Variants in SNX29 observed in about 807,000 individuals in gnomAD.
SNX29 encodes the protein sorting nexin-29.
A neutral mutation model predicts 102.1 loss-of-function variants in SNX29; 78 were observed. The ratio of observed to expected loss-of-function variants is 0.76; its 90% CI spans 0.64 to 0.92. The LOEUF (loss-of-function observed/expected upper bound fraction) is 0.92. Ranked by LOEUF, SNX29 falls within the 40% of genes least tolerant of loss-of-function variation. SNX29 has a pLI of 0.00. For synonymous variants in SNX29, 580 were observed against 414.5 expected (o/e 1.40, Z -4.85); for missense variants, 1,280 against 1,061.7 (o/e 1.21, Z -2.86).
At chr16:12,099,916 G>T (rs1300661076) in intron 11 of SNX29, among the ~76,000 whole-genome samples, 1 of 152,146 alleles carries the variant, frequency 6.6e-6, no homozygotes, top group African/African-American at 2.4e-5. Context: ...ATGAACCCGG[G>T]ATGATGGTAC....
At chr16:12,166,251 G>A (rs557974691) in intron 13 of SNX29, among the ~76,000 whole-genome samples, 2 of 152,326 alleles carry the variant, frequency 1.3e-5, no homozygotes, top group African/African-American at 4.8e-5. Flanking sequence ...AGAGATAAGT[G>A]GGTAGGGCTC....
chr16:12,540,366 C>G (rs983484256), intron 20 of SNX29, among the ~76,000 whole-genome samples: 7 of 152,170 alleles, frequency 4.6e-5, no homozygotes, highest in African/African-American at 1.7e-4. Flanking sequence ...GTATTAATTT[C>G]TTATTGTTGC....
intron 15 of SNX29, among the ~76,000 whole-genome samples, chr16:12,314,893 G>A (rs209853): frequency 0.42 from 63,665 of 152,024 alleles, 15,344 homozygotes; most frequent in Non-Finnish European, 0.57. Context: ...GTCTCCTACC[G>A]GGAGGCCTGT....
At chr16:12,157,146 A>G (rs1012105710) in intron 13 of SNX29, among the ~76,000 whole-genome samples, 1 of 152,146 alleles carries the variant, frequency 6.6e-6, no homozygotes, top group East Asian at 1.9e-4. Flanking sequence ...TGTGGAGAAC[A>G]TGCCTCGCAG....
chr16:12,453,813 A>G (rs930621890), intron 18 of SNX29, among the ~76,000 whole-genome samples: 3 of 152,146 alleles, frequency 2.0e-5, no homozygotes, highest in Admixed American at 6.5e-5. Context: ...AGTCCTCAAT[A>G]AGACTGTAGG....
intron 3 of SNX29, among the ~76,000 whole-genome samples, chr16:12,004,067 C>T (rs144123223): frequency 2.1e-3 from 317 of 150,124 alleles, no homozygotes; most frequent in Middle Eastern, 3.6e-3. Flanking sequence ...TTCGGCTGGG[C>T]GCAGTGGCTC....
chr16:12,058,248 G>GTAA lies in SNX29; in HGVS notation c.1125-3278_1125-3276dup, dbSNP rs1204926974. Among the ~76,000 whole-genome samples, 4 of 152,322 alleles carry GTAA rather than the reference G, an allele frequency of 2.6e-5. No homozygotes were observed. The East Asian group carries it at 7.7e-4, about 29-fold the overall frequency. The stretch of plus-strand genomic sequence containing the variant: ...CATGTGGGAAACTGAGTCTGACACA[G>GTAA]TAATGTTTTGGATAATGTGGCTGTT... On this transcript the variant is annotated intron_variant, in intron 8 of 20. Coordinates refer to ENST00000566228, the MANE Select transcript of SNX29 (RefSeq NM_032167.5).
intron 20 of SNX29, among the ~76,000 whole-genome samples, chr16:12,533,580 G>T (rs2076988971): frequency 6.6e-6 from 1 of 152,106 alleles, no homozygotes; most frequent in South Asian, 2.1e-4. Context: ...TATCAACCAG[G>T]TATATTATTT....
At chr16:12,025,083 C>G (rs1478824089) in intron 3 of SNX29, among the ~76,000 whole-genome samples, 3 of 152,016 alleles carry the variant, frequency 2.0e-5, no homozygotes, top group East Asian at 1.9e-4. Context: ...GGGCAGATCA[C>G]CTGAGTTCAG....
chr16:12,147,273 A>G (rs2055103443), intron 13 of SNX29, among the ~76,000 whole-genome samples: 1 of 152,192 alleles, frequency 6.6e-6, no homozygotes, highest in Non-Finnish European at 1.5e-5. Context: ...GAAAAGGGAG[A>G]AGGTTGTGTC....
At position 12,566,180 on chromosome 16, in the gene SNX29, C is replaced by T. The variant is rs141023660; in HGVS notation, c.2319-2326C>T. Among the ~76,000 whole-genome samples the T allele has an allele frequency of 6.4e-4, 97 of 152,276 alleles. 1 individual carries two copies. Among genetic ancestry groups the T allele is most frequent in the African/African-American group, 2.2e-3 (91 of 41,558 alleles). The stretch of plus-strand genomic sequence containing the variant: ...ACAGCTAGTTGGTGGCTTTAGGTAG[C>T]CCTTGAATCCTTACCACCACAGTAC... On this transcript the variant is annotated intron_variant, in intron 20 of 20. Coordinates refer to ENST00000566228, the MANE Select transcript of SNX29 (RefSeq NM_032167.5).
chr16:12,266,064 T>C (rs1438598432), intron 14 of SNX29, among the ~76,000 whole-genome samples: 1 of 152,116 alleles, frequency 6.6e-6, no homozygotes, highest in Non-Finnish European at 1.5e-5. Context: ...GTGACACCTA[T>C]AGGGAAAAAC....
At chr16:12,500,665 A>G (rs1303816431) in intron 19 of SNX29, among the ~76,000 whole-genome samples, 1 of 152,218 alleles carries the variant, frequency 6.6e-6, no homozygotes, top group African/African-American at 2.4e-5. Context: ...ACCACTTAAA[A>G]TGTGGTCTGT....
At chr16:12,517,214 C>G (rs1185575255) in intron 19 of SNX29, among the ~76,000 whole-genome samples, 1 of 152,182 alleles carries the variant, frequency 6.6e-6, no homozygotes, top group African/African-American at 2.4e-5. Flanking sequence ...GCTGGGTTTG[C>G]CTCCAGTCCT....
At chr16:12,257,665 C>T (rs1261418637) in intron 14 of SNX29, among the ~76,000 whole-genome samples, 3 of 151,490 alleles carry the variant, frequency 2.0e-5, no homozygotes, top group African/African-American at 4.9e-5. Context: ...TACAGGCACG[C>T]ACCACCATGC....
chr16:12,561,731 GGGAGGAT>G (rs1167871452), intron 20 of SNX29, among the ~76,000 whole-genome samples: 1 of 152,202 alleles, frequency 6.6e-6, no homozygotes, highest in Non-Finnish European at 1.5e-5. Context: ...GCTAGCAGCA[GGGAGGAT>G]GGAGATGGAG....
rs180780162 is a variant in SNX29 at position 12,050,499 on chromosome 16, G to C, written c.749-1348G>C. On this transcript the variant is annotated intron_variant, in intron 7 of 20. Transcript: ENST00000566228. ...GCTGGGCTCTTTCGGCTCACTCATG[G>C]GAGCTGGTGGTTAGATTGGAAGATC... is the stretch of plus-strand genomic sequence containing the variant. Among the ~76,000 whole-genome samples, 10 of 152,202 alleles carry C rather than the reference G, an allele frequency of 6.6e-5. No homozygotes were observed. The East Asian group carries it at 1.9e-3, about 29-fold the overall frequency.
At chr16:12,461,761 A>G (rs13337534) in intron 18 of SNX29, among the ~76,000 whole-genome samples, 43,698 of 150,376 alleles carry the variant, frequency 0.29, 6,504 homozygotes, top group South Asian at 0.39. Flanking sequence ...GTTCAAGACC[A>G]GCTTGGCTAA....
chr16:12,248,444 G>A lies in SNX29; in HGVS notation c.1679-29489G>A, dbSNP rs1189286253. The stretch of plus-strand genomic sequence containing the variant: ...ACAGTCTCACTCTATCACCCAGGCT[G>A]GAGTACAGTGGTGCAATCTCAGCTC... On this transcript the variant is annotated intron_variant, in intron 14 of 20. Coordinates refer to ENST00000566228, the MANE Select transcript of SNX29 (RefSeq NM_032167.5). Among the ~76,000 whole-genome samples the A allele has an allele frequency of 6.0e-5, 9 of 150,536 alleles. No individual in the cohort carries two copies. In the East Asian group the frequency reaches 1.6e-3, roughly 26 times the overall value.
Sources: allele counts gnomAD v4.1 joint callset (sites outside exome capture counted in the v4.1 genomes callset), GRCh38; gene constraint gnomAD v4.1.1; transcripts MANE v1.5; gene names NCBI Gene and HGNC (gene_info 2026-07-23, HGNC 2026-07-21).